Variants in BUB1 observed in about 807,000 individuals in gnomAD.
BUB1 encodes the protein mitotic checkpoint serine/threonine-protein kinase BUB1.
In BUB1, 84 loss-of-function variants were observed where a neutral mutation model predicts 135.2. The ratio of observed to expected loss-of-function variants is 0.62; its 90% confidence interval spans 0.52 to 0.74. The LOEUF (loss-of-function observed/expected upper bound fraction) is 0.74, where lower values mean the gene tolerates loss of function less well. Ranked by LOEUF, BUB1 falls within the 30% of genes least tolerant of loss-of-function variation. The pLI is 0.00. For missense variants in BUB1, 1,162 were observed against 1,288.3 expected (o/e 0.90, Z 1.50); for synonymous variants, 403 against 434.4 (o/e 0.93, Z 0.90).
At chr2:110,641,539 C>T in intron 21 of BUB1, 75 bp from the exon 22 acceptor site, 2 of 1,554,154 alleles carry the variant, frequency 1.3e-6, no homozygotes, top group Non-Finnish European at 1.7e-6. Flanking sequence ...AGCTTTGCCC[C>T]TGCCCACCAC....
intron 19 of BUB1, 25 bp from the exon 20 acceptor site, chr2:110,642,259 A>G: frequency 7.0e-7 from 1 of 1,436,442 alleles, no homozygotes; most frequent in Non-Finnish European, 9.6e-7. Context: ...GAAAATTTTA[A>G]TTTATGTACG....
chr2:110,654,548 T>C (rs530841756), intron 16 of BUB1, among the ~76,000 whole-genome samples: 1 of 152,208 alleles, frequency 6.6e-6, no homozygotes, highest in South Asian at 2.1e-4. Context: ...AAGTGCCAAA[T>C]ACTCTTAAGA....
chr2:110,656,001 A>C, intron 15 of BUB1, 85 bp from the exon 16 acceptor site: 2 of 1,293,244 alleles, frequency 1.5e-6, no homozygotes, highest in Non-Finnish European at 2.2e-6. Context: ...TTAAGATCCA[A>C]AGAAATGAGG....
At position 110,641,728 on chromosome 2, in the gene BUB1, G is replaced by A. The variant is rs1323258872; in HGVS notation, c.2539C>T (p.His847Tyr). Residue 847 changes from histidine (H) to tyrosine (Y), a missense_variant, in exon 21 of 25, where the codon CAC becomes TAC. Coordinates refer to ENST00000302759, the MANE Select transcript of BUB1 (RefSeq NM_004336.5). Reference sequence around the variant, plus strand: ...GCAGAATAGAACTTCATAAACATGTGCTGCATAGATGGCTTTAGTCTTTCC... The same window carrying A: ...GCAGAATAGAACTTCATAAACATGTACTGCATAGATGGCTTTAGTCTTTCC... ...LMERLKPSMQHMFMKFYSAHL... is the reference protein window; with the variant it reads ...LMERLKPSMQYMFMKFYSAHL... 6.2e-7 allele frequency: 1 copy of A among 1,612,442 alleles called. No homozygotes were observed. Among genetic ancestry groups the A allele is most frequent in the South Asian group, 1.1e-5 (1 of 91,088 alleles).
At position 110,637,669 on chromosome 2, in the gene BUB1, T is replaced by C. The variant is rs1689398811; in HGVS notation, c.*295A>G. The C allele has an allele frequency of 4.9e-6, 1 of 205,016 alleles. No individual in the cohort carries two copies. 12.7% of individuals were successfully genotyped at this position (205,016 alleles called of 1,614,324 possible). On this transcript the variant is annotated 3_prime_UTR_variant, in exon 25 of 25. Transcript: ENST00000302759. ...ATTTGGAAAATAGCTGTCTTGGCCC[T>C]TTTTTGGCTTAAACAGGTCAGTGTT...
chr2:110,661,358 C>T (rs896055550), intron 10 of BUB1: 10 of 547,314 alleles, frequency 1.8e-5, no homozygotes, highest in Non-Finnish European at 3.0e-5. Context: ...ATTTTTAATT[C>T]ACGAAAGTAT....
intron 19 of BUB1, among the ~76,000 whole-genome samples, chr2:110,644,831 A>C (rs1223685691): frequency 6.6e-6 from 1 of 152,242 alleles, no homozygotes; most frequent in Non-Finnish European, 1.5e-5. Context: ...TCAAATGTGA[A>C]GAATAAAAAT....
At chr2:110,676,156 G>A (rs1690575546) in intron 1 of BUB1, among the ~76,000 whole-genome samples, 1 of 151,510 alleles carries the variant, frequency 6.6e-6, no homozygotes, top group South Asian at 2.1e-4. Context: ...AAAACAATGA[G>A]CTTTTAGAAG....
chr2:110,651,945 C>G (rs1047910351), intron 17 of BUB1, among the ~76,000 whole-genome samples: 1 of 152,048 alleles, frequency 6.6e-6, no homozygotes, highest in African/African-American at 2.4e-5. Context: ...TGTAAATACA[C>G]TCTGATGTTC....
Position 110,674,824 on chromosome 2 carries a change from C to A in BUB1, c.27-459G>T, listed in dbSNP as rs190493339. 2.2e-4 allele frequency: 45 copies of A among 207,488 alleles called. 1 individual carries two copies. The South Asian group carries it at 2.3e-3, about 11-fold the overall frequency. 12.9% of individuals were successfully genotyped at this position (207,488 alleles called of 1,614,324 possible). A position where few individuals can be genotyped will look rare whatever the true frequency, so the allele number is the denominator to read the frequency against. On this transcript the variant is annotated intron_variant, in intron 1 of 24. Transcript: ENST00000302759. ...CTTCCAGTGGGATCCAGGCATGGCA[C>A]TGACTCAGACCTCTGCCCTTCCAGT...
rs1052522187 is a variant in BUB1 at position 110,676,547 on chromosome 2, T to C, written c.26+1423A>G. 18 of 152,306 alleles carry C rather than the reference T, an allele frequency of 1.2e-4. No individual in the cohort carries two copies. In the East Asian group the frequency reaches 3.5e-3, roughly 29 times the overall value. 9.4% of individuals were successfully genotyped at this position (152,306 alleles called of 1,614,324 possible). The stretch of plus-strand genomic sequence containing the variant: ...ATGTTATGTACAAGATTTTTCACCG[T>C]GCCACTATTTGAAACAGATTGTCAA... On this transcript the variant is annotated intron_variant, in intron 1 of 24. Coordinates refer to ENST00000302759, the MANE Select transcript of BUB1 (RefSeq NM_004336.5).
rs763946533 is a variant in BUB1, at chr2:110,661,675, G to A, written c.1124C>T (p.Ser375Phe). Reference protein sequence around the residue: ...LANAISAALVSPATSQSIAPP... With the variant: ...LANAISAALVFPATSQSIAPP... ...AGCAATGCTCTGGCTGGTGGCTGGG[G>A]ACACCAAAGCTGCAGAAATAGCATT... The change falls in exon 10 of 25, where the codon TCC becomes TTC. Residue 375 changes from serine to phenylalanine, a missense_variant. By Grantham distance (155) the Ser-to-Phe change is radical. Coordinates refer to ENST00000302759, the MANE Select transcript of BUB1 (RefSeq NM_004336.5). 7.4e-6 allele frequency: 12 copies of A among 1,614,174 alleles called. No individual in the cohort carries two copies. The East Asian group carries it at 2.5e-4, about 33-fold the overall frequency.
chr2:110,676,354 T>C (rs1690582850), intron 1 of BUB1, among the ~76,000 whole-genome samples: 1 of 152,172 alleles, frequency 6.6e-6, no homozygotes, highest in African/African-American at 2.4e-5. Context: ...GAAAAGATTG[T>C]GTAGGTGCAG....
chr2:110,650,904 T>C, intron 17 of BUB1, 120 bp from the exon 18 acceptor site: 2 of 912,056 alleles, frequency 2.2e-6, no homozygotes. Flanking sequence ...CCTCACAGAC[T>C]AAAAGTTGAT....
At chr2:110,656,968 TA>T (rs1689950166) in intron 15 of BUB1, 67 bp downstream of exon 15, 1 of 1,184,690 alleles carries the variant, frequency 8.4e-7, no homozygotes, top group Admixed American at 2.0e-5. Flanking sequence ...CTGACTGGCA[TA>T]ATCATTTGGT....
At chr2:110,663,353 T>C (rs991491318) in intron 9 of BUB1, among the ~76,000 whole-genome samples, 3 of 152,220 alleles carry the variant, frequency 2.0e-5, no homozygotes, top group Admixed American at 6.5e-5. Flanking sequence ...AGCAAAGGTA[T>C]AGATATTTTA....
chr2:110,652,822 C>G (rs2104530098), intron 17 of BUB1, among the ~76,000 whole-genome samples: 1 of 152,258 alleles, frequency 6.6e-6, no homozygotes, highest in Non-Finnish European at 1.5e-5. Context: ...TTCAACTATA[C>G]TTTCTTTGTA....
intron 10 of BUB1, 43 bp downstream of exon 10, chr2:110,661,539 G>A (rs1336851521): frequency 1.3e-6 from 2 of 1,594,904 alleles, no homozygotes; most frequent in African/African-American, 1.3e-5. Context: ...GGTGACAGGT[G>A]CCACTCACAT....
intron 16 of BUB1, among the ~76,000 whole-genome samples, chr2:110,654,080 G>A (rs1460939243): frequency 1.3e-5 from 2 of 152,064 alleles, no homozygotes; most frequent in African/African-American, 2.4e-5. Context: ...AAAAGGGGTC[G>A]AGAGAGTGGC....
Sources: gnomAD v4.1 joint callset for allele counts (sites outside exome capture counted in the v4.1 genomes callset) on GRCh38, gnomAD v4.1.1 for gene constraint, MANE v1.5 for transcripts, NCBI Gene and HGNC (gene_info 2026-07-23, HGNC 2026-07-21) for gene names.